Variants in CLEC4A observed in about 807,000 individuals in gnomAD.
The protein encoded by CLEC4A is C-type lectin domain family 4 member A.
A neutral mutation model predicts 32.7 loss-of-function variants in CLEC4A; 27 were observed. The ratio of observed to expected loss-of-function variants is 0.83; its 90% CI spans 0.61 to 1.14. CLEC4A has a LOEUF of 1.14. Ranked by LOEUF, CLEC4A falls within the 50% of genes most tolerant of loss-of-function variation. The pLI is 0.00. For missense variants in CLEC4A, 253 were observed against 274.6 expected (o/e 0.92, Z 0.55); for synonymous variants, 89 against 93.7 (o/e 0.95, Z 0.29).
chr12:8,111,856 A>T, the CLEC4A span, among the ~76,000 whole-genome samples: 3 of 151,918 alleles, frequency 2.0e-5, no homozygotes, highest in Non-Finnish European at 2.9e-5. Flanking sequence ...ATTAAAATTT[A>T]AAAAACTTCA....
chr12:8,126,379 T>C (rs1183903754), intron 2 of CLEC4A, among the ~76,000 whole-genome samples: 1 of 150,676 alleles, frequency 6.6e-6, no homozygotes, highest in Non-Finnish European at 1.5e-5. Flanking sequence ...TAATTTTTTT[T>C]TTTTTTTTTT....
rs975080918 is a variant in CLEC4A, at chr12:8,126,716, G to A, written c.199+1039G>A. On this transcript the variant is annotated intron_variant, in intron 2 of 5. Coordinates refer to ENST00000229332, the MANE Select transcript of CLEC4A (RefSeq NM_016184.4). Reference sequence around the variant, plus strand: ...TGAACCAGTGGTTATAACATTGTATGGTAAGTGTTGTACAGTTAAGAAGTA... The same window carrying A: ...TGAACCAGTGGTTATAACATTGTATAGTAAGTGTTGTACAGTTAAGAAGTA... Among the ~76,000 whole-genome samples the A allele has an allele frequency of 3.3e-5, 5 of 152,122 alleles. 1 individual carries two copies. The highest frequency in any genetic ancestry group is 3.3e-4 in the Admixed American group (5 of 15,270).
chr12:8,120,196 A>C (rs1035999486), upstream of CLEC4A, among the ~76,000 whole-genome samples: 3 of 152,156 alleles, frequency 2.0e-5, no homozygotes, highest in African/African-American at 7.2e-5. Flanking sequence ...ACCATTGGTC[A>C]CAAGTTGAAC....
At chr12:8,114,994 TCTC>T in the CLEC4A span, among the ~76,000 whole-genome samples, 34 of 152,160 alleles carry the variant, frequency 2.2e-4, 1 homozygote, top group Non-Finnish European at 2.8e-4. Context: ...TCCTTTGAAT[TCTC>T]CTACCAATCT....
intron 3 of CLEC4A, among the ~76,000 whole-genome samples, chr12:8,130,601 T>G (rs762312478): frequency 6.6e-6 from 1 of 152,234 alleles, no homozygotes; most frequent in African/African-American, 2.4e-5. Flanking sequence ...AGGCTGTTCT[T>G]GAATTCCTGG....
the CLEC4A span, among the ~76,000 whole-genome samples, chr12:8,110,297 G>T: frequency 6.6e-6 from 1 of 151,840 alleles, no homozygotes; most frequent in Non-Finnish European, 1.5e-5. Context: ...GGCATAGAGA[G>T]GTTAAAAAAA....
Position 8,136,780 on chromosome 12 carries a change from C to G in CLEC4A, c.451-8C>G. 1 of 1,565,284 alleles carries G rather than the reference C, an allele frequency of 6.4e-7. No homozygotes were observed. The highest frequency in any genetic ancestry group is 8.8e-7 in the Non-Finnish European group (1 of 1,135,836). ...TAAAGGCTGTGACTCCTTCTTTTCC[C>G]CCCTCAGGATTTCATCTTCCAGAAT... On this transcript the variant is annotated splice_region_variant and splice_polypyrimidine_tract_variant and intron_variant, in intron 4 of 5. Coordinates refer to ENST00000229332, the MANE Select transcript of CLEC4A (RefSeq NM_016184.4).
the CLEC4A span, among the ~76,000 whole-genome samples, chr12:8,111,059 T>G: frequency 5.3e-5 from 8 of 151,726 alleles, no homozygotes; most frequent in Admixed American, 5.3e-4. Flanking sequence ...ATTTTTAGTA[T>G]AGATGGGGTT....
upstream of CLEC4A, among the ~76,000 whole-genome samples, chr12:8,122,772 A>G (rs898388534): frequency 2.0e-5 from 3 of 152,138 alleles, no homozygotes; most frequent in African/African-American, 7.2e-5. Context: ...CATGGTGTTC[A>G]ATATATTTAG....
At chr12:8,122,846 G>A (rs1388878299), upstream of CLEC4A, among the ~76,000 whole-genome samples, 1 of 152,028 alleles carries the variant, frequency 6.6e-6, no homozygotes, top group Non-Finnish European at 1.5e-5. Context: ...ATGTATGCAT[G>A]TGTGTTATGC....
At chr12:8,134,231 A>G (rs779726982) in intron 3 of CLEC4A, 1 of 1,611,854 alleles carries the variant, frequency 6.2e-7, no homozygotes, top group Admixed American at 1.7e-5. Flanking sequence ...AGCTTCCTCC[A>G]CCCACTTCTG....
At chr12:8,110,631 G>C in the CLEC4A span, among the ~76,000 whole-genome samples, 1,045 of 152,144 alleles carry the variant, frequency 6.9e-3, 10 homozygotes, top group African/African-American at 0.024. Context: ...GGGGTCTTGT[G>C]CTTCTCCCAT....
Position 8,135,673 on chromosome 12 carries a change from C to T in CLEC4A, c.387C>T (p.Asp129=). 1 of 1,614,180 alleles carries T rather than the reference C, an allele frequency of 6.2e-7. No individual in the cohort carries two copies. The highest frequency in any genetic ancestry group is 8.5e-7 in the Non-Finnish European group (1 of 1,180,020). ...FISTESASWQ[D]SEKDCARMEA... ...CTACTGAATCAGCATCTTGGCAAGA[C>T]AGTGAGAAGGACTGTGCTAGAATGG... The change falls in exon 4 of 6, where the codon GAC becomes GAT. Residue 129 remains aspartate (D), a synonymous_variant. Transcript: ENST00000229332.
the CLEC4A span, among the ~76,000 whole-genome samples, chr12:8,108,413 G>A: frequency 6.6e-6 from 1 of 152,072 alleles, no homozygotes; most frequent in Admixed American, 6.5e-5. Flanking sequence ...TCATGTTTTA[G>A]TTTTTTTGTA....
rs112445640 is a variant in CLEC4A at position 8,125,597 on chromosome 12, C to A, written c.119C>A (p.Thr40Asn). ...AGGACTGCCCCTCACAAAAGTAATA[C>A]CGGATTCCCCAAGCTGCTTTGTGCC... is the stretch of plus-strand genomic sequence containing the variant. ...KERTAPHKSN[T>N]GFPKLLCASL... Residue 40 changes from threonine (T) to asparagine (N), a missense_variant, in exon 2 of 6, where the codon ACC becomes AAC. By Grantham distance (65) the Thr-to-Asn change is moderately conservative. Coordinates refer to ENST00000229332, the MANE Select transcript of CLEC4A (RefSeq NM_016184.4). 8 of 1,613,004 alleles carry A rather than the reference C, an allele frequency of 5.0e-6. No homozygotes were observed. The African/African-American group carries it at 5.3e-5, about 11-fold the overall frequency.
the CLEC4A span, among the ~76,000 whole-genome samples, chr12:8,114,044 T>C: frequency 1.5e-4 from 23 of 152,274 alleles, no homozygotes; most frequent in Non-Finnish European, 3.1e-4. Context: ...AAGAGATTCA[T>C]GGTTGGCTGA....
the CLEC4A span, among the ~76,000 whole-genome samples, chr12:8,118,578 A>C: frequency 6.6e-6 from 1 of 152,102 alleles, no homozygotes; most frequent in Non-Finnish European, 1.5e-5. Flanking sequence ...GAGCAGGAGG[A>C]AGAGAGAGAG....
At chr12:8,134,018 C>T (rs1334342134) in intron 3 of CLEC4A, 2 of 1,604,196 alleles carry the variant, frequency 1.2e-6, no homozygotes, top group East Asian at 2.2e-5. Context: ...GCGCCGGTTA[C>T]AGAACCACAC....
rs1255718359 is a variant in CLEC4A, at chr12:8,138,341, T to C, written c.*54T>C. The C allele has an allele frequency of 3.1e-6, 5 of 1,592,518 alleles. No homozygotes were observed. Among genetic ancestry groups the C allele is most frequent in the Non-Finnish European group, 4.3e-6 (5 of 1,163,242 alleles). Reference sequence around the variant, plus strand: ...GGATTGGTATCTGTCATTGTAGGGATAGATAATAAGCTCTTCTTATTCATG... The same window carrying C: ...GGATTGGTATCTGTCATTGTAGGGACAGATAATAAGCTCTTCTTATTCATG... On this transcript the variant is annotated 3_prime_UTR_variant, in exon 6 of 6. Transcript: ENST00000229332.
Sources: allele counts gnomAD v4.1 joint callset (sites outside exome capture counted in the v4.1 genomes callset), GRCh38; gene constraint gnomAD v4.1.1; transcripts MANE v1.5; gene names NCBI Gene and HGNC (gene_info 2026-07-23, HGNC 2026-07-21).